Variants in DCAF5 observed in about 807,000 individuals in gnomAD.
DCAF5 encodes DDB1- and CUL4-associated factor 5.
DCAF5 carries 9 observed loss-of-function variants against 80.7 expected under a neutral mutation model. That is an observed-to-expected ratio of 0.11 (90% CI 0.07 to 0.19). The LOEUF (loss-of-function observed/expected upper bound fraction) is 0.19, where lower values mean the gene tolerates loss of function less well. Among genes scored for constraint, DCAF5 ranks in the 10% least tolerant of loss-of-function variants. DCAF5 has a pLI of 1.00. For missense variants in DCAF5, 842 were observed against 1,205.7 expected, an observed-to-expected ratio of 0.70 and a Z score of 4.47; for synonymous variants, 433 against 461.9, an observed-to-expected ratio of 0.94 and a Z score of 0.80.
intron 6 of DCAF5, among the ~76,000 whole-genome samples, chr14:69,080,476 A>G (rs1190679294): frequency 6.6e-6 from 1 of 152,232 alleles, no homozygotes; most frequent in Non-Finnish European, 1.5e-5. Context: ...AAACACAGTA[A>G]TTATTTCAAT....
chr14:69,079,434 A>T (rs2039019025), intron 6 of DCAF5, among the ~76,000 whole-genome samples: 1 of 152,098 alleles, frequency 6.6e-6, no homozygotes, highest in Non-Finnish European at 1.5e-5. Context: ...ACCCACCATA[A>T]GAGAACAGCT....
At chr14:69,121,732 T>TCA (rs758117270) in intron 2 of DCAF5, among the ~76,000 whole-genome samples, 9 of 152,140 alleles carry the variant, frequency 5.9e-5, no homozygotes, top group Admixed American at 3.9e-4. Context: ...ATGGAAGCCA[T>TCA]CACCAAGAGG....
At chr14:69,067,312 C>T (rs1186968103) in intron 7 of DCAF5, among the ~76,000 whole-genome samples, 2 of 149,246 alleles carry the variant, frequency 1.3e-5, no homozygotes, top group Non-Finnish European at 3.0e-5. Context: ...TCTTTTTTTC[C>T]ATCTTCCTGC....
At chr14:69,094,514 A>G (rs1226706431) in intron 5 of DCAF5, among the ~76,000 whole-genome samples, 1 of 152,232 alleles carries the variant, frequency 6.6e-6, no homozygotes, top group Non-Finnish European at 1.5e-5. Flanking sequence ...AAAGAGCAGC[A>G]GCCACCAACA....
At chr14:69,084,496 C>A (rs1297468889) in intron 6 of DCAF5, 4 of 775,074 alleles carry the variant, frequency 5.2e-6, no homozygotes, top group Non-Finnish European at 9.1e-6. Flanking sequence ...AAGTTGAAGG[C>A]CCGGCAAGGA....
intron 4 of DCAF5, among the ~76,000 whole-genome samples, chr14:69,117,911 G>C (rs2040591000): frequency 6.6e-6 from 1 of 152,162 alleles, no homozygotes; most frequent in African/African-American, 2.4e-5. Context: ...AGGGTTTGTG[G>C]AGAGTCACAG....
chr14:69,067,315 C>T (rs2038482986), intron 7 of DCAF5, among the ~76,000 whole-genome samples: 1 of 144,436 alleles, frequency 6.9e-6, no homozygotes, highest in African/African-American at 2.6e-5. Context: ...TTTTTTCCAT[C>T]TTCCTGCAGC....
chr14:69,132,755 G>T (rs2041078785), intron 1 of DCAF5, among the ~76,000 whole-genome samples: 1 of 152,168 alleles, frequency 6.6e-6, no homozygotes, highest in Admixed American at 6.5e-5. Flanking sequence ...CACAGGCTTA[G>T]TCTCCACGTA....
At chr14:69,149,984 T>C (rs1209517453) in intron 1 of DCAF5, among the ~76,000 whole-genome samples, 1 of 152,158 alleles carries the variant, frequency 6.6e-6, no homozygotes, top group Non-Finnish European at 1.5e-5. Flanking sequence ...CAAGTTAAGG[T>C]TAATTAGGAC....
chr14:69,105,233 A>G (rs1381259332), intron 5 of DCAF5, among the ~76,000 whole-genome samples: 1 of 152,192 alleles, frequency 6.6e-6, no homozygotes, highest in African/African-American at 2.4e-5. Context: ...AGATGGGACA[A>G]TCCAAACGGC....
intron 6 of DCAF5, among the ~76,000 whole-genome samples, chr14:69,078,174 A>C (rs1222067784): frequency 6.6e-6 from 1 of 152,192 alleles, no homozygotes; most frequent in African/African-American, 2.4e-5. Context: ...AACTACAACA[A>C]CAACAAAGAA....
chr14:69,099,286 ACACACACACACAC>A (rs1271066039), intron 5 of DCAF5, among the ~76,000 whole-genome samples: 11 of 151,116 alleles, frequency 7.3e-5, no homozygotes, highest in Admixed American at 4.6e-4. Flanking sequence ...ACACACACAC[ACACACACACACAC>A]AACTAACAAA....
rs551205499 is a variant in DCAF5 at position 69,103,253 on chromosome 14, T to C, written c.666-11366A>G. ...TGCCATATATTTTTCTACGGGTACA[T>C]GTATAAGCATATAAAAACCAAGAAG... On this transcript the variant is annotated intron_variant, in intron 5 of 8. Transcript: ENST00000341516. Among the ~76,000 whole-genome samples the C allele has an allele frequency of 1.4e-3, 215 of 152,284 alleles. 5 individuals are homozygous for C. The South Asian group carries it at 0.028, about 20-fold the overall frequency.
rs1011482149 is a variant in DCAF5 at position 69,118,207 on chromosome 14, T to C, written c.467A>G (p.Asn156Ser). 1.9e-6 allele frequency: 3 copies of C among 1,613,950 alleles called. No individual in the cohort carries two copies. Among genetic ancestry groups the C allele is most frequent in the African/African-American group, 2.7e-5 (2 of 75,008 alleles). ...YGLSVSPVND[N>S]IFASSSDDGR... ...ATCATCTGAGGAACTGGCAAAAATG[T>C]TGTCATTCACTGGGCTCACAGACAA... is the stretch of plus-strand genomic sequence containing the variant. The change falls in exon 4 of 9, where the codon AAC becomes AGC. Residue 156 changes from asparagine to serine, a missense_variant. By Grantham distance (46) the Asn-to-Ser change is conservative. This residue lies in a region of DCAF5 where 142 missense variants were observed against 311.9 expected (regional missense o/e 0.46). Coordinates refer to ENST00000341516, the MANE Select transcript of DCAF5 (RefSeq NM_003861.3). The surrounding 1 kb of genome is among the most constrained non-coding windows in gnomAD (Gnocchi z 4.0).
intron 5 of DCAF5, among the ~76,000 whole-genome samples, chr14:69,096,636 T>A (rs576802065): frequency 2.6e-5 from 4 of 152,260 alleles, no homozygotes; most frequent in African/African-American, 9.6e-5. Flanking sequence ...TCAACTTTTT[T>A]GGCCCACAGG....
chr14:69,105,819 C>T (rs561138315), intron 5 of DCAF5, among the ~76,000 whole-genome samples: 14 of 148,506 alleles, frequency 9.4e-5, no homozygotes, highest in African/African-American at 3.4e-4. Flanking sequence ...CAGACTTGAA[C>T]TGACCACTCT....
intron 5 of DCAF5, among the ~76,000 whole-genome samples, chr14:69,097,443 CATTA>C: frequency 6.6e-6 from 1 of 152,106 alleles, no homozygotes; most frequent in Non-Finnish European, 1.5e-5. Flanking sequence ...CGTACACCCA[CATTA>C]ATTTAGCATA....
At chr14:69,127,683 T>A (rs1475231775) in intron 1 of DCAF5, among the ~76,000 whole-genome samples, 3 of 152,222 alleles carry the variant, frequency 2.0e-5, no homozygotes, top group Admixed American at 2.0e-4. Context: ...TTTACCAATT[T>A]TAACAAATTT....
At chr14:69,150,089 T>C (rs1449976919) in intron 1 of DCAF5, among the ~76,000 whole-genome samples, 2 of 152,200 alleles carry the variant, frequency 1.3e-5, no homozygotes, top group Non-Finnish European at 2.9e-5. Flanking sequence ...CTAAAAAGGC[T>C]TTAAACCAAA....
Sources: allele counts gnomAD v4.1 joint callset (sites outside exome capture counted in the v4.1 genomes callset), GRCh38; gene constraint gnomAD v4.1.1; regional missense constraint gnomAD v4.1.1; non-coding constraint Gnocchi (gnomAD v3.1); transcripts MANE v1.5; gene names NCBI Gene and HGNC (gene_info 2026-07-23, HGNC 2026-07-21).